Variants in ADAMTS9 observed in about 807,000 individuals in gnomAD.
ADAMTS9 encodes A disintegrin and metalloproteinase with thrombospondin motifs 9.
A neutral mutation model predicts 257.1 loss-of-function variants in ADAMTS9; 107 were observed. The ratio of observed to expected loss-of-function variants is 0.42; its 90% CI spans 0.36 to 0.49. The LOEUF (loss-of-function observed/expected upper bound fraction) is 0.49, where lower values mean the gene tolerates loss of function less well. ADAMTS9 is among the 20% of genes least tolerant of loss of function. The pLI, the probability that ADAMTS9 is intolerant of heterozygous loss-of-function variation, is 0.03. For synonymous variants in ADAMTS9, 982 were observed against 880.9 expected (o/e 1.11, Z -2.03); for missense variants, 2,353 against 2,469.1 (o/e 0.95, Z 1.00).
chr3:64,530,042 T>C (rs545741927), intron 38 of ADAMTS9, among the ~76,000 whole-genome samples: 1,540 of 147,210 alleles, frequency 0.01, 80 homozygotes, highest in Admixed American at 0.098. Flanking sequence ...CAAGCTGGTC[T>C]TGAATTCCTG....
chr3:64,626,507 T>C (rs372274545), intron 16 of ADAMTS9, among the ~76,000 whole-genome samples: 50 of 152,294 alleles, frequency 3.3e-4, no homozygotes, highest in African/African-American at 1.2e-3. Flanking sequence ...AAAAATCCAC[T>C]TTTTTGACTA....
rs1477157516 is a variant in ADAMTS9 at position 64,562,199 on chromosome 3, A to C, written c.4525-448T>G. On this transcript the variant is annotated intron_variant, in intron 29 of 39. Coordinates refer to ENST00000498707, the MANE Select transcript of ADAMTS9 (RefSeq NM_182920.2). ...AAAAATATAACCCAAGGAGAAGTAA[A>C]CCACTGAAGATTTTAGGACTTTATA... Among the ~76,000 whole-genome samples the C allele has an allele frequency of 2.6e-5, 4 of 152,258 alleles. No homozygotes were observed. In the East Asian group the frequency reaches 7.7e-4, roughly 29 times the overall value.
chr3:64,600,991 C>G (rs980412453), intron 26 of ADAMTS9, among the ~76,000 whole-genome samples: 2 of 152,164 alleles, frequency 1.3e-5, no homozygotes, highest in Non-Finnish European at 2.9e-5. Flanking sequence ...TACGTCCCTA[C>G]CCAGGATCCT....
chr3:64,593,497 T>C (rs1320498926), intron 28 of ADAMTS9, among the ~76,000 whole-genome samples: 1 of 152,174 alleles, frequency 6.6e-6, no homozygotes, highest in Non-Finnish European at 1.5e-5. Flanking sequence ...TCAGCCAAAG[T>C]ATTGTTTTGA....
At chr3:64,652,127 T>C (rs73832367) in intron 8 of ADAMTS9, among the ~76,000 whole-genome samples, 4,074 of 152,332 alleles carry the variant, frequency 0.027, 186 homozygotes, top group African/African-American at 0.093. Flanking sequence ...CTATCCCCAA[T>C]GCATGTAATT....
chr3:64,652,147 T>C (rs9853285), intron 8 of ADAMTS9, among the ~76,000 whole-genome samples: 50,610 of 152,072 alleles, frequency 0.33, 8,723 homozygotes, highest in African/African-American at 0.42. Context: ...TAATTTAGCA[T>C]TGAGAGAGAA....
At chr3:64,582,926 G>C (rs946923819) in intron 28 of ADAMTS9, 1 of 152,160 alleles carries the variant, frequency 6.6e-6, no homozygotes, top group Non-Finnish European at 1.5e-5. Context: ...TGATGCTCAA[G>C]TCTGACCAAT....
At chr3:64,578,081 A>G (rs545074250) in intron 28 of ADAMTS9, among the ~76,000 whole-genome samples, 6 of 152,308 alleles carry the variant, frequency 3.9e-5, no homozygotes, top group African/African-American at 1.4e-4. Context: ...TCCAGAACTA[A>G]GATTTGCATA....
chr3:64,580,124 A>G (rs1233854478), intron 28 of ADAMTS9, among the ~76,000 whole-genome samples: 1 of 152,128 alleles, frequency 6.6e-6, no homozygotes, highest in Non-Finnish European at 1.5e-5. Context: ...GTGTGTGTAT[A>G]TATATATGAA....
Position 64,546,776 on chromosome 3 carries a change from T to C in ADAMTS9, c.5046A>G (p.Arg1682=). 4 of 1,606,130 alleles carry C rather than the reference T, an allele frequency of 2.5e-6. No homozygotes were observed. The highest frequency in any genetic ancestry group is 1.1e-5 in the South Asian group (1 of 89,464). Residue 1682 remains arginine, a synonymous_variant, in exon 32 of 40, where the codon AGA becomes AGG. Transcript: ENST00000498707. ...TACTTACGCTCCCCCAGTTGCCAAC[T>C]CTCCAGGTGGCCGAGACAGGGCAGT... ...LRDCPVSATW[R]VGNWGSCSVS... is the part of the protein sequence containing the mutation.
intron 31 of ADAMTS9, among the ~76,000 whole-genome samples, chr3:64,547,512 A>ATTTT (rs58728148): frequency 0.07 from 8,528 of 122,036 alleles, 958 homozygotes; most frequent in Non-Finnish European, 0.098. Context: ...CTGGCTATAG[A>ATTTT]TTTTTTTTTT....
At position 64,533,148 on chromosome 3, in the gene ADAMTS9, C is replaced by A; in HGVS notation, c.5718+18G>T. Reference sequence around the variant, plus strand: ...AAGAAATAAAAATTCATCTCCCAACCCATCTGTAGAACCTTACCGGCGACT... The same window carrying A: ...AAGAAATAAAAATTCATCTCCCAACACATCTGTAGAACCTTACCGGCGACT... On this transcript the variant is annotated intron_variant, in intron 38 of 39. Transcript: ENST00000498707. 2 of 1,589,202 alleles carry A rather than the reference C, an allele frequency of 1.3e-6. No individual in the cohort carries two copies. Among genetic ancestry groups the A allele is most frequent in the Non-Finnish European group, 1.7e-6 (2 of 1,158,706 alleles).
At chr3:64,665,590 A>G (rs1701334491) in intron 3 of ADAMTS9, among the ~76,000 whole-genome samples, 1 of 152,248 alleles carries the variant, frequency 6.6e-6, no homozygotes, top group South Asian at 2.1e-4. Context: ...GGAACCATTT[A>G]AGGTAGAGTG....
intron 38 of ADAMTS9, 132 bp from the exon 39 acceptor site, chr3:64,522,392 C>T: frequency 2.8e-6 from 2 of 726,648 alleles, no homozygotes; most frequent in Non-Finnish European, 4.6e-6. Context: ...CCAACATACT[C>T]ACCATGGTCT....
intron 38 of ADAMTS9, among the ~76,000 whole-genome samples, chr3:64,529,892 C>G (rs1374383235): frequency 6.6e-6 from 1 of 151,870 alleles, no homozygotes; most frequent in African/African-American, 2.4e-5. Context: ...AATAATGGCT[C>G]ATTGCAGCCT....
intron 3 of ADAMTS9, among the ~76,000 whole-genome samples, chr3:64,665,411 G>T (rs528431632): frequency 6.6e-6 from 1 of 152,180 alleles, no homozygotes; most frequent in African/African-American, 2.4e-5. Flanking sequence ...TTACAATGTG[G>T]AGTAAGAACA....
At chr3:64,682,444 C>T (rs952269253) in intron 2 of ADAMTS9, among the ~76,000 whole-genome samples, 3 of 152,114 alleles carry the variant, frequency 2.0e-5, no homozygotes, top group Non-Finnish European at 4.4e-5. Flanking sequence ...ACCCCACATA[C>T]CCAAGTTTTT....
At position 64,686,885 on chromosome 3, in the gene ADAMTS9, C is replaced by A. The variant is rs753622011; in HGVS notation, c.199G>T (p.Val67Phe). Residue 67 changes from valine to phenylalanine, a missense_variant, in exon 2 of 40, where the codon GTC becomes TTC. Physicochemically the swap from Val to Phe is conservative, Grantham distance 50. This residue lies in a region of ADAMTS9 where 591 missense variants were observed against 569.6 expected (regional missense o/e 1.04). Transcript: ENST00000498707. The surrounding 1 kb of genome is among the most constrained non-coding windows in gnomAD (Gnocchi z 4.6). Reference sequence around the variant, plus strand: ...CTCCGTCGCGTTCTTTTGAAGTGGACGTTCGTGGGAAAGGGTTCTCCGAGA... The same window carrying A: ...CTCCGTCGCGTTCTTTTGAAGTGGAAGTTCGTGGGAAAGGGTTCTCCGAGA... ...NALGEPFPTN[V>F]HFKRTRRSIN... 2.7e-4 allele frequency: 442 copies of A among 1,614,148 alleles called. No homozygotes were observed. Among genetic ancestry groups the A allele is most frequent in the Non-Finnish European group, 3.5e-4 (409 of 1,180,030 alleles).
At chr3:64,601,242 T>A (rs1163627026) in intron 26 of ADAMTS9, among the ~76,000 whole-genome samples, 1 of 152,186 alleles carries the variant, frequency 6.6e-6, no homozygotes, top group East Asian at 1.9e-4. Context: ...TTTATCTGCA[T>A]CATCTTATTT....
Sources: allele counts gnomAD v4.1 joint callset (sites outside exome capture counted in the v4.1 genomes callset), GRCh38; gene constraint gnomAD v4.1.1; regional missense constraint gnomAD v4.1.1; non-coding constraint Gnocchi (gnomAD v3.1); transcripts MANE v1.5; gene names NCBI Gene and HGNC (gene_info 2026-07-23, HGNC 2026-07-21).